The following PRKN variants were observed in gnomAD, a reference collection of about 807,000 sequenced individuals.
The protein encoded by PRKN is E3 ubiquitin-protein ligase parkin.
A neutral mutation model predicts 59.5 loss-of-function variants in PRKN; 56 were observed. The ratio of observed to expected loss-of-function variants is 0.94; its 90% CI spans 0.76 to 1.18. PRKN has a LOEUF of 1.18. PRKN is among the 50% of genes most tolerant of loss of function. PRKN has a pLI of 0.00. For missense variants in PRKN, 657 were observed against 596.4 expected, an observed-to-expected ratio of 1.10 and a Z score of -1.06; for synonymous variants, 250 against 222.1, an observed-to-expected ratio of 1.13 and a Z score of -1.12.
chr6:161,569,402 A>T lies in PRKN; in HGVS notation c.886T>A (p.Ser296Thr), dbSNP rs951351663. 1 of 1,613,842 alleles carries T rather than the reference A, an allele frequency of 6.2e-7. No individual in the cohort carries two copies. Among genetic ancestry groups the T allele is most frequent in the Non-Finnish European group, 8.5e-7 (1 of 1,179,724 alleles). ...AAGTGATGGAGCTCTTTAATCAAGG[A>T]GTTGGGACAGCCAGCTGTTGGAAAG... ...SLPCVAGCPNSLIKELHHFRI... is the reference protein window; with the variant it reads ...SLPCVAGCPNTLIKELHHFRI... The change falls in exon 8 of 12, where the codon TCC (serine) becomes ACC (threonine). Residue 296 changes from serine to threonine, a missense_variant. Transcript: ENST00000366898.
intron 1 of PRKN, among the ~76,000 whole-genome samples, chr6:162,522,799 G>GAA (rs59617720): frequency 1.4e-4 from 20 of 144,458 alleles, no homozygotes; most frequent in African/African-American, 5.0e-4. Flanking sequence ...GAACTGATCA[G>GAA]AAAAAAAAAA....
At chr6:162,123,664 G>A (rs1033980017) in intron 4 of PRKN, among the ~76,000 whole-genome samples, 1 of 152,128 alleles carries the variant, frequency 6.6e-6, no homozygotes, top group Non-Finnish European at 1.5e-5. Flanking sequence ...CCAAGAGAGT[G>A]TTTGAACGAA....
chr6:162,028,426 G>A (rs1416364849), intron 5 of PRKN, among the ~76,000 whole-genome samples: 1 of 152,208 alleles, frequency 6.6e-6, no homozygotes, highest in Non-Finnish European at 1.5e-5. Flanking sequence ...GGGAAGACAA[G>A]CTGCAGGTGC....
chr6:161,866,954 C>T (rs1040173622), intron 6 of PRKN, among the ~76,000 whole-genome samples: 1 of 152,190 alleles, frequency 6.6e-6, no homozygotes, highest in Admixed American at 6.5e-5. Flanking sequence ...AAATAGAGTC[C>T]CACCTGGACT....
chr6:162,387,553 CACAGAGAGAGAGAGAGAGAGAG>C (rs1468775953), intron 2 of PRKN, among the ~76,000 whole-genome samples: 1 of 80,232 alleles, frequency 1.2e-5, no homozygotes, highest in African/African-American at 6.6e-5. Flanking sequence ...CACACACACA[CACAGAGAGAGAGAGAGAGAGAG>C]AGAGAGAGAG....
intron 7 of PRKN, among the ~76,000 whole-genome samples, chr6:161,640,771 A>G (rs547050716): frequency 5.7e-4 from 87 of 152,304 alleles, no homozygotes; most frequent in South Asian, 1.7e-3. Context: ...ACTAACACAG[A>G]ATTGCTGTAT....
At chr6:162,451,573 G>GA (rs1423847932) in intron 1 of PRKN, among the ~76,000 whole-genome samples, 7 of 150,662 alleles carry the variant, frequency 4.6e-5, no homozygotes, top group African/African-American at 1.7e-4. Flanking sequence ...TTAAAAAAAA[G>GA]AAAAAAAGAG....
intron 5 of PRKN, among the ~76,000 whole-genome samples, chr6:161,996,843 A>T (rs58032275): frequency 0.021 from 3,087 of 150,156 alleles, 111 homozygotes; most frequent in African/African-American, 0.072. Context: ...AAAACGTTTT[A>T]TTTTTTTTTT....
chr6:161,984,658 A>C (rs1330759847), intron 5 of PRKN, among the ~76,000 whole-genome samples: 1 of 152,076 alleles, frequency 6.6e-6, no homozygotes, highest in Non-Finnish European at 1.5e-5. Flanking sequence ...TATTATCTTT[A>C]TTATCTTGGA....
chr6:162,542,644 C>A (rs1778969851), intron 1 of PRKN, among the ~76,000 whole-genome samples: 1 of 152,050 alleles, frequency 6.6e-6, no homozygotes, highest in African/African-American at 2.4e-5. Flanking sequence ...AGGCCTGAGC[C>A]CCCAAACCTT....
intron 8 of PRKN, among the ~76,000 whole-genome samples, chr6:161,556,190 ATTG>A (rs1366434281): frequency 2.0e-5 from 3 of 152,180 alleles, no homozygotes; most frequent in Non-Finnish European, 4.4e-5. Context: ...ATTAAAAATT[ATTG>A]TTATTTATTT....
At chr6:162,474,673 T>C (rs1791915626) in intron 1 of PRKN, among the ~76,000 whole-genome samples, 1 of 152,200 alleles carries the variant, frequency 6.6e-6, no homozygotes, top group African/African-American at 2.4e-5. Context: ...TGGAAGGCCA[T>C]ATTACAAGAT....
chr6:161,417,944 G>A lies in PRKN; in HGVS notation c.1084-31067C>T, dbSNP rs1288725941. 2.0e-5 allele frequency among the ~76,000 whole-genome samples: 3 copies of A among 152,194 alleles called. No homozygotes were observed. The highest frequency in any genetic ancestry group is 4.4e-5 in the Non-Finnish European group (3 of 68,038). On this transcript the variant is annotated intron_variant, in intron 9 of 11. Transcript: ENST00000366898. The surrounding 1 kb of genome is among the most constrained non-coding windows in gnomAD (Gnocchi z 5.4). ...CACCCAGGGGCATGAGTAATGCTGG[G>A]AGCTGCAGGCTGGCTTCCCACGCTC...
rs1791520574 is a variant in PRKN at position 161,483,673 on chromosome 6, T to C, written c.1083+65181A>G. On this transcript the variant is annotated intron_variant, in intron 9 of 11. Transcript: ENST00000366898. The surrounding 1 kb of genome is among the most constrained non-coding windows in gnomAD (Gnocchi z 5.0). Reference sequence around the variant, plus strand: ...GCACATTGGTAGCTCAAATAGGCTATTACTCACTGTGACCTCTTCTACTTA... The same window carrying C: ...GCACATTGGTAGCTCAAATAGGCTACTACTCACTGTGACCTCTTCTACTTA... Among the ~76,000 whole-genome samples the C allele has an allele frequency of 6.6e-6, 1 of 152,164 alleles. No individual in the cohort carries two copies.
At chr6:162,236,628 A>G (rs1778733066) in intron 3 of PRKN, among the ~76,000 whole-genome samples, 1 of 63,258 alleles carries the variant, frequency 1.6e-5, no homozygotes, top group Non-Finnish European at 4.0e-5. Flanking sequence ...TCTACTAAAA[A>G]TACAAAAAAA....
intron 2 of PRKN, among the ~76,000 whole-genome samples, chr6:162,415,502 G>A (rs963657218): frequency 7.9e-5 from 12 of 152,264 alleles, no homozygotes; most frequent in African/African-American, 2.4e-4. Context: ...TCAACACTTA[G>A]TGATATGTGA....
At chr6:162,439,217 T>A (rs1789932067) in intron 2 of PRKN, among the ~76,000 whole-genome samples, 1 of 152,084 alleles carries the variant, frequency 6.6e-6, no homozygotes, top group South Asian at 2.1e-4. Flanking sequence ...GTCTAAATGT[T>A]TTCTATGTTG....
chr6:162,406,707 T>C (rs1015819218), intron 2 of PRKN, among the ~76,000 whole-genome samples: 3 of 152,084 alleles, frequency 2.0e-5, no homozygotes, highest in African/African-American at 7.2e-5. Flanking sequence ...GAGCGCACTA[T>C]CCACCATGAA....
chr6:161,607,248 C>G (rs974725), intron 7 of PRKN, among the ~76,000 whole-genome samples: 3,947 of 152,236 alleles, frequency 0.026, 135 homozygotes, highest in African/African-American at 0.076. Flanking sequence ...CAGAATTTAA[C>G]AAGCCTGACC....
Sources: allele counts gnomAD v4.1 joint callset (sites outside exome capture counted in the v4.1 genomes callset), GRCh38; gene constraint gnomAD v4.1.1; non-coding constraint Gnocchi (gnomAD v3.1); transcripts MANE v1.5; gene names NCBI Gene and HGNC (gene_info 2026-07-23, HGNC 2026-07-21).